Variants in ZNF69 observed in about 807,000 individuals in gnomAD.
ZNF69 encodes the protein ZNF3.
In ZNF69, 47 loss-of-function variants were observed where a neutral mutation model predicts 50.9. The observed-to-expected ratio is 0.92, with a 90% CI of 0.73 to 1.18. ZNF69 has a LOEUF of 1.18. Ranked by LOEUF, ZNF69 falls within the 50% of genes most tolerant of loss-of-function variation. The probability of loss-of-function intolerance (pLI) is 0.00; values close to 1 mark genes in which losing one functional copy is unlikely to be tolerated. For synonymous variants in ZNF69, 216 were observed against 223.1 expected, an observed-to-expected ratio of 0.97 and a Z score of 0.29; for missense variants, 717 against 675.1, an observed-to-expected ratio of 1.06 and a Z score of -0.69.
chr19:11,904,955 C>T lies in ZNF69; in HGVS notation c.558C>T (p.His186=), dbSNP rs748584033. 1 of 1,614,094 alleles carries T rather than the reference C, an allele frequency of 6.2e-7. No homozygotes were observed. The highest frequency in any genetic ancestry group is 1.7e-5 in the Admixed American group (1 of 60,008). Residue 186 remains histidine, a synonymous_variant, in exon 4 of 4, where the codon CAC becomes CAT. Coordinates refer to ENST00000429654, the MANE Select transcript of ZNF69 (RefSeq NM_001364730.1). ...CCTTTAGAACACCACAAAGGGATCA[C>T]ACTGGAGAGAAACCCTATGCTTGTA... The part of the protein sequence containing the change: ...HPSFRTPQRD[H]TGEKPYACKE...
At chr19:11,934,988 T>G in the ZNF69 span, among the ~76,000 whole-genome samples, 1 of 146,398 alleles carries the variant, frequency 6.8e-6, no homozygotes, top group Non-Finnish European at 1.5e-5. Flanking sequence ...CCATCCTGGC[T>G]AACACTGTGA....
the ZNF69 span, among the ~76,000 whole-genome samples, chr19:11,962,908 A>G: frequency 2.4e-4 from 36 of 152,298 alleles, no homozygotes; most frequent in African/African-American, 7.2e-4. Flanking sequence ...TGGTTTCACC[A>G]GGGGCTTTTT....
At chr19:11,952,525 T>C in the ZNF69 span, among the ~76,000 whole-genome samples, 6 of 152,350 alleles carry the variant, frequency 3.9e-5, no homozygotes, top group South Asian at 8.3e-4. Context: ...TTATATATTA[T>C]GCAATGGCAT....
chr19:11,958,208 C>T, the ZNF69 span, among the ~76,000 whole-genome samples: 1 of 152,128 alleles, frequency 6.6e-6, no homozygotes, highest in Non-Finnish European at 1.5e-5. Context: ...TTGTATCCTT[C>T]ATAGTAAGTG....
chr19:11,979,298 C>T, the ZNF69 span: 3 of 1,609,694 alleles, frequency 1.9e-6, no homozygotes, highest in Admixed American at 3.4e-5. Flanking sequence ...TGTGGGAAAG[C>T]CTTCAGATGT....
At chr19:11,979,618 G>T in the ZNF69 span, 3 of 1,605,848 alleles carry the variant, frequency 1.9e-6, no homozygotes, top group Admixed American at 1.7e-5. Context: ...ACACTGGAGA[G>T]AAACCCTATG....
At chr19:11,928,798 G>A in the ZNF69 span, among the ~76,000 whole-genome samples, 5 of 146,548 alleles carry the variant, frequency 3.4e-5, no homozygotes, top group Admixed American at 3.3e-4. Context: ...AGTGAAGAGG[G>A]GCCTGGTAGG....
In ZNF69 at chr19:11,904,685, T is replaced by C; in HGVS notation, c.288T>C (p.Asp96=). The change falls in exon 4 of 4, where the codon GAT becomes GAC. Residue 96 remains aspartate (D), a synonymous_variant. Coordinates refer to ENST00000429654, the MANE Select transcript of ZNF69 (RefSeq NM_001364730.1). Reference sequence around the variant, plus strand: ...AAAAGAAAGTCAATGAAATTAAAGATGACAGTCATTGTGGAGAAACTTTTA... The same window carrying C: ...AAAAGAAAGTCAATGAAATTAAAGACGACAGTCATTGTGGAGAAACTTTTA... ...LIEKKVNEIK[D]DSHCGETFTQ... 2 of 1,613,564 alleles carry C rather than the reference T, an allele frequency of 1.2e-6. No homozygotes were observed. The highest frequency in any genetic ancestry group is 1.7e-6 in the Non-Finnish European group (2 of 1,179,794).
intron 3 of ZNF69, 30 bp from the exon 4 acceptor site, chr19:11,904,619 C>A: frequency 6.3e-7 from 1 of 1,598,032 alleles, no homozygotes; most frequent in Non-Finnish European, 8.5e-7. Context: ...ATAAACAAAC[C>A]CTTTGTAATG....
the ZNF69 span, chr19:11,925,318 C>T: frequency 1.9e-6 from 3 of 1,604,524 alleles, no homozygotes; most frequent in Non-Finnish European, 2.6e-6. Flanking sequence ...GAGGGGCTGC[C>T]TGGAACAGGC....
At chr19:11,972,329 A>G in the ZNF69 span, among the ~76,000 whole-genome samples, 1 of 152,142 alleles carries the variant, frequency 6.6e-6, no homozygotes. Context: ...GAAAAAAATG[A>G]GTTTCAATAG....
the ZNF69 span, among the ~76,000 whole-genome samples, chr19:11,940,811 G>A: frequency 1.3e-5 from 2 of 152,134 alleles, no homozygotes; most frequent in Non-Finnish European, 2.9e-5. Flanking sequence ...CCCTGAGCTA[G>A]ACACAAAGGT....
downstream of ZNF69, among the ~76,000 whole-genome samples, chr19:11,910,435 C>T (rs527425313): frequency 3.3e-5 from 5 of 152,178 alleles, no homozygotes; most frequent in Admixed American, 1.3e-4. Context: ...TACAAGGCTA[C>T]AGTAACCAAA....
the ZNF69 span, among the ~76,000 whole-genome samples, chr19:11,954,989 C>CA: frequency 2.3e-4 from 31 of 134,138 alleles, no homozygotes; most frequent in South Asian, 5.0e-4. Flanking sequence ...GAGTTTGTTT[C>CA]AAAAAAATTT....
At chr19:11,888,019 G>A (rs780628470) in intron 1 of ZNF69, 33 bp downstream of exon 1, 10 of 1,604,808 alleles carry the variant, frequency 6.2e-6, no homozygotes, top group African/African-American at 1.3e-5. Context: ...CGTGAGACGG[G>A]GGAGGGGCTG....
the ZNF69 span, among the ~76,000 whole-genome samples, chr19:11,976,586 G>T: frequency 2.0e-5 from 3 of 148,026 alleles, no homozygotes; most frequent in East Asian, 5.9e-4. Context: ...AAAATTGCTG[G>T]CCAGGTGTGG....
At chr19:11,921,330 C>T in the ZNF69 span, among the ~76,000 whole-genome samples, 4 of 151,986 alleles carry the variant, frequency 2.6e-5, no homozygotes, top group East Asian at 1.9e-4. Context: ...CCACTATGCC[C>T]GGCTGTTTTT....
chr19:11,904,544 C>T, intron 3 of ZNF69, 105 bp from the exon 4 acceptor site: 2 of 1,446,834 alleles, frequency 1.4e-6, no homozygotes, highest in East Asian at 2.4e-5. Flanking sequence ...GGCAGAAAGC[C>T]TACACTTTGA....
chr19:11,976,759 G>A, the ZNF69 span: 10 of 643,398 alleles, frequency 1.6e-5, no homozygotes, highest in African/African-American at 7.9e-5. Context: ...CCAGCTACTC[G>A]GGAGGCTGAG....
Sources: allele counts gnomAD v4.1 joint callset (sites outside exome capture counted in the v4.1 genomes callset), GRCh38; gene constraint gnomAD v4.1.1; transcripts MANE v1.5; gene names NCBI Gene and HGNC (gene_info 2026-07-23, HGNC 2026-07-21).